The following SLC25A48 variants were observed in gnomAD, a reference collection of about 807,000 sequenced individuals.
SLC25A48 encodes CTC-321K16.1.
Under a neutral mutation model 32.2 loss-of-function variants are expected in SLC25A48, and 29 were observed. The ratio of observed to expected loss-of-function variants is 0.90; its 90% CI spans 0.67 to 1.23. The LOEUF is 1.23. Ranked by LOEUF, SLC25A48 falls within the 50% of genes most tolerant of loss-of-function variation. The pLI, the probability that SLC25A48 is intolerant of heterozygous loss-of-function variation, is 0.00. For synonymous variants in SLC25A48, 164 were observed against 172.3 expected (o/e 0.95, Z 0.38); for missense variants, 399 against 422.7 (o/e 0.94, Z 0.49).
At chr5:135,727,968 G>A (rs1021452961) in intron 3 of SLC25A48, among the ~76,000 whole-genome samples, 7 of 152,062 alleles carry the variant, frequency 4.6e-5, no homozygotes, top group Non-Finnish European at 8.8e-5. Context: ...TTAAGGGAAC[G>A]TGGCTGGCCG....
At chr5:135,598,758 G>C (rs1350398977) in intron 1 of SLC25A48, among the ~76,000 whole-genome samples, 1 of 146,424 alleles carries the variant, frequency 6.8e-6, no homozygotes, top group African/African-American at 2.6e-5. Context: ...TCACTTTGGG[G>C]TGGAGTATTA....
chr5:135,867,412 G>T (rs1761289268), intron 4 of SLC25A48, among the ~76,000 whole-genome samples: 1 of 152,094 alleles, frequency 6.6e-6, no homozygotes, highest in Non-Finnish European at 1.5e-5. Context: ...TCAAAATTGG[G>T]TTTTCACAAA....
intron 1 of SLC25A48, among the ~76,000 whole-genome samples, chr5:135,589,835 T>C (rs556946315): frequency 1.3e-5 from 2 of 152,168 alleles, no homozygotes; most frequent in African/African-American, 2.4e-5. Flanking sequence ...GCTGGGACTA[T>C]AGGTGCCCAC....
At chr5:135,770,418 G>A (rs752179569) in intron 3 of SLC25A48, among the ~76,000 whole-genome samples, 8 of 151,494 alleles carry the variant, frequency 5.3e-5, no homozygotes, top group Admixed American at 2.0e-4. Context: ...TCCCAGTATC[G>A]CAGGGGGTGG....
intron 3 of SLC25A48, chr5:135,812,409 T>G (rs534046236): frequency 3.3e-4 from 51 of 152,348 alleles, no homozygotes; most frequent in African/African-American, 1.2e-3. Flanking sequence ...TTTAAGTGAA[T>G]TAATTTATAG....
At chr5:135,653,412 T>C (rs73791038) in intron 3 of SLC25A48, among the ~76,000 whole-genome samples, 5,275 of 152,246 alleles carry the variant, frequency 0.035, 131 homozygotes, top group African/African-American at 0.057. Flanking sequence ...AAAACTACAG[T>C]AACCAAAATA....
At chr5:135,600,848 AT>A (rs34345064) in intron 1 of SLC25A48, among the ~76,000 whole-genome samples, 40,748 of 132,718 alleles carry the variant, frequency 0.31, 5,928 homozygotes, top group East Asian at 0.44. Context: ...ATGCCCGGGT[AT>A]TTTTTTTTTT....
At chr5:135,610,544 A>G (rs1752041287) in intron 1 of SLC25A48, among the ~76,000 whole-genome samples, 1 of 152,180 alleles carries the variant, frequency 6.6e-6, no homozygotes, top group Non-Finnish European at 1.5e-5. Context: ...CAATAATTTC[A>G]TCAGATATTA....
intron 1 of SLC25A48, among the ~76,000 whole-genome samples, chr5:135,835,678 TA>T (rs35114794): frequency 0.16 from 11,381 of 70,184 alleles, 544 homozygotes; most frequent in Middle Eastern, 0.22. Context: ...TTGCTAATTG[TA>T]AAAAAAAAAA....
rs755363668 is a variant in SLC25A48, at chr5:135,650,458, G to A, written c.-521+15502G>A. On this transcript the variant is annotated intron_variant, in intron 3 of 10. Transcript: ENST00000646290. ...GCCTCCAGACACAGTGAGTTCCCAG[G>A]AACCAGCCGGGTTCATCAGGAGGGT... 11 of 455,930 alleles carry A rather than the reference G, an allele frequency of 2.4e-5. 1 individual carries two copies. The highest frequency in any genetic ancestry group is 1.7e-4 in the South Asian group (11 of 64,552). The allele number at this position is 455,930 out of a possible 1,614,324, so 28.2% of individuals were successfully genotyped here.
At chr5:135,835,831 C>G (rs1170505921) in intron 1 of SLC25A48, among the ~76,000 whole-genome samples, 4 of 152,230 alleles carry the variant, frequency 2.6e-5, no homozygotes, top group Non-Finnish European at 4.4e-5. Context: ...AACTCCTCCC[C>G]TCCTACCTAG....
intron 3 of SLC25A48, among the ~76,000 whole-genome samples, chr5:135,794,804 C>T (rs892407058): frequency 1.3e-5 from 2 of 151,730 alleles, no homozygotes; most frequent in African/African-American, 2.4e-5. Flanking sequence ...GGGGTAGACA[C>T]TCCCCACATA....
intron 1 of SLC25A48, among the ~76,000 whole-genome samples, chr5:135,588,994 A>G (rs1443674113): frequency 6.6e-6 from 1 of 152,236 alleles, no homozygotes; most frequent in Non-Finnish European, 1.5e-5. Flanking sequence ...TGAAGACAGT[A>G]CAGCATCACT....
chr5:135,767,619 G>A (rs868341153), intron 3 of SLC25A48, among the ~76,000 whole-genome samples: 1 of 151,654 alleles, frequency 6.6e-6, no homozygotes, highest in Non-Finnish European at 1.5e-5. Context: ...ATCGCAGGGG[G>A]TGTACACCCG....
upstream of SLC25A48, among the ~76,000 whole-genome samples, chr5:135,834,236 A>C (rs1036495045): frequency 6.6e-6 from 1 of 152,194 alleles, no homozygotes; most frequent in Non-Finnish European, 1.5e-5. Flanking sequence ...AGGGCCAGGC[A>C]GGGAGCTGGG....
At chr5:135,717,388 T>A (rs942951796) in intron 3 of SLC25A48, among the ~76,000 whole-genome samples, 4 of 152,236 alleles carry the variant, frequency 2.6e-5, no homozygotes, top group South Asian at 2.1e-4. Flanking sequence ...CCAGGGCCCG[T>A]CCACCCCAGA....
At position 135,723,380 on chromosome 5, in the gene SLC25A48, T is replaced by TCACACACACA. The variant is rs138387748; in HGVS notation, c.-521+88449_-521+88458dup. On this transcript the variant is annotated intron_variant, in intron 3 of 10. Transcript: ENST00000646290. ...GTCTCTCACTCTCTCTCTCTCTCTC[T>TCACACACACA]CACACACACACACACACACACACAC... is the stretch of plus-strand genomic sequence containing the variant. Among the ~76,000 whole-genome samples, 756 of 111,720 alleles carry TCACACACACA rather than the reference T, an allele frequency of 6.8e-3. 7 individuals carry two copies. The highest frequency in any genetic ancestry group is 0.029 in the South Asian group (96 of 3,292). The allele number at this position is 111,720 out of a possible 152,430, so 73.3% of individuals were successfully genotyped here. A position where few individuals can be genotyped will look rare whatever the true frequency, so the allele number is the denominator to read the frequency against.
At chr5:135,721,774 TC>T (rs1257168952) in intron 3 of SLC25A48, among the ~76,000 whole-genome samples, 35 of 152,310 alleles carry the variant, frequency 2.3e-4, no homozygotes, top group African/African-American at 7.2e-4. Flanking sequence ...GAACTGTGTG[TC>T]CACAGCAGGC....
chr5:135,877,527 AATTCATTTATTCATTC>A (rs1762145534), intron 6 of SLC25A48, among the ~76,000 whole-genome samples: 1 of 152,094 alleles, frequency 6.6e-6, no homozygotes, highest in South Asian at 2.1e-4. Flanking sequence ...TCACGTCCAA[AATTCATTTATTCATTC>A]ATTCATTTAC....
Sources: gnomAD v4.1 joint callset for allele counts (sites outside exome capture counted in the v4.1 genomes callset) on GRCh38, gnomAD v4.1.1 for gene constraint, MANE v1.5 for transcripts, NCBI Gene and HGNC (gene_info 2026-07-23, HGNC 2026-07-21) for gene names.